The following PCDHGA8 variants were observed in gnomAD, a reference collection of about 807,000 sequenced individuals.
PCDHGA8 encodes protocadherin gamma subfamily A, 8.
Under a neutral mutation model 59.2 loss-of-function variants are expected in PCDHGA8, and 45 were observed. That is an observed-to-expected ratio of 0.76 (90% confidence interval 0.60 to 0.98). The LOEUF (loss-of-function observed/expected upper bound fraction) is 0.98, where lower values mean the gene tolerates loss of function less well. Among genes scored for constraint, PCDHGA8 ranks in the 50% least tolerant of loss-of-function variants. The pLI, the probability that PCDHGA8 is intolerant of heterozygous loss-of-function variation, is 0.00. For missense variants in PCDHGA8, 1,257 were observed against 1,196.2 expected, an observed-to-expected ratio of 1.05 and a Z score of -0.75; for synonymous variants, 531 against 519.0, an observed-to-expected ratio of 1.02 and a Z score of -0.32.
At position 141,476,114 on chromosome 5, in the gene PCDHGA8, G is replaced by C; in HGVS notation, c.2425-18693G>C. 3.8e-6 allele frequency: 6 copies of C among 1,592,296 alleles called. No homozygotes were observed. Among genetic ancestry groups the C allele is most frequent in the Non-Finnish European group, 5.1e-6 (6 of 1,171,536 alleles). On this transcript the variant is annotated intron_variant, in intron 1 of 3. Coordinates refer to ENST00000398604, the MANE Select transcript of PCDHGA8 (RefSeq NM_032088.2). This position sits in a 1 kb window ranked among gnomAD's most constrained non-coding sequence, Gnocchi z 7.6. Reference sequence around the variant, plus strand: ...CCGCTGAGAGGAACTGCTTTTGAGTGAGATGGTCCCAGAGGCCTGGAGGAG... The same window carrying C: ...CCGCTGAGAGGAACTGCTTTTGAGTCAGATGGTCCCAGAGGCCTGGAGGAG...
intron 1 of PCDHGA8, chr5:141,408,368 C>T: frequency 3.1e-6 from 5 of 1,613,992 alleles, no homozygotes; most frequent in Non-Finnish European, 4.2e-6. Context: ...GGATCTAGGG[C>T]TCAGTGTCCT....
intron 1 of PCDHGA8, among the ~76,000 whole-genome samples, chr5:141,480,873 C>A (rs1026513782): frequency 6.6e-6 from 1 of 152,168 alleles, no homozygotes; most frequent in East Asian, 1.9e-4. Context: ...GGTGAAACCC[C>A]GTCTCTACTA....
chr5:141,465,021 C>A (rs974818222), intron 1 of PCDHGA8, among the ~76,000 whole-genome samples: 1 of 152,100 alleles, frequency 6.6e-6, no homozygotes, highest in Non-Finnish European at 1.5e-5. Flanking sequence ...AGATTACAGC[C>A]ATGAACCACC....
chr5:141,439,669 A>T (rs983024479), intron 1 of PCDHGA8, among the ~76,000 whole-genome samples: 4 of 152,174 alleles, frequency 2.6e-5, no homozygotes, highest in Non-Finnish European at 5.9e-5. Context: ...ATGGAATGCA[A>T]ATCCAAGAGC....
Position 141,432,211 on chromosome 5 carries a change from C to T in PCDHGA8, c.2424+36974C>T. 6.2e-7 allele frequency: 1 copy of T among 1,614,232 alleles called. No homozygotes were observed. The highest frequency in any genetic ancestry group is 8.5e-7 in the Non-Finnish European group (1 of 1,180,044). On this transcript the variant is annotated intron_variant, in intron 1 of 3. Coordinates refer to ENST00000398604, the MANE Select transcript of PCDHGA8 (RefSeq NM_032088.2). The surrounding 1 kb of genome is among the most constrained non-coding windows in gnomAD (Gnocchi z 6.0). ...CCCACGACCCCGACTGTGAAGAGAA[C>T]GCCCAGATCACTTATTCCCTGGCTG... is the stretch of plus-strand genomic sequence containing the variant.
Position 141,489,331 on chromosome 5 carries a change from C to G in PCDHGA8, c.2425-5476C>G. ...CTGCTGGGGCTGGGTGTCTGGGCAG[C>G]TTCGTTACTCAGTGGTGGAGGAGTC... On this transcript the variant is annotated intron_variant, in intron 1 of 3. Coordinates refer to ENST00000398604, the MANE Select transcript of PCDHGA8 (RefSeq NM_032088.2). The surrounding 1 kb of genome is among the most constrained non-coding windows in gnomAD (Gnocchi z 4.5). 1 of 1,605,478 alleles carries G rather than the reference C, an allele frequency of 6.2e-7. No homozygotes were observed. Among genetic ancestry groups the G allele is most frequent in the Non-Finnish European group, 8.5e-7 (1 of 1,174,878 alleles).
chr5:141,419,894 C>T (rs1590201850), intron 1 of PCDHGA8: 2 of 1,613,926 alleles, frequency 1.2e-6, no homozygotes, highest in East Asian at 2.2e-5. Flanking sequence ...CAGCGACCAT[C>T]CCACACCCTC....
Position 141,431,755 on chromosome 5 carries a change from AGTCCT to A in PCDHGA8, c.2424+36520_2424+36524del. On this transcript the variant is annotated intron_variant, in intron 1 of 3. Coordinates refer to ENST00000398604, the MANE Select transcript of PCDHGA8 (RefSeq NM_032088.2). This position sits in a 1 kb window ranked among gnomAD's most constrained non-coding sequence, Gnocchi z 4.8. ...ATGCAGGATATTCTGCGCGAGCCAA[AGTCCT>A]GATCACTGTTCTGGACGTGAACGAC... 6.2e-7 allele frequency: 1 copy of A among 1,614,238 alleles called. No individual in the cohort carries two copies. Among genetic ancestry groups the A allele is most frequent in the Non-Finnish European group, 8.5e-7 (1 of 1,180,048 alleles).
rs758439978 is a variant in PCDHGA8 at position 141,415,219 on chromosome 5, T to C, written c.2424+19982T>C. ...CCAAGTCCTGGCGGACCTCGGCAGC[T>C]TCGAGTCTCCAGCTAACTCTGAAAC... On this transcript the variant is annotated intron_variant, in intron 1 of 3. Coordinates refer to ENST00000398604, the MANE Select transcript of PCDHGA8 (RefSeq NM_032088.2). 42 of 1,613,954 alleles carry C rather than the reference T, an allele frequency of 2.6e-5. No individual in the cohort carries two copies. Among genetic ancestry groups the C allele is most frequent in the South Asian group, 9.9e-5 (9 of 91,088 alleles).
At chr5:141,401,102 G>C (rs1372226488) in intron 1 of PCDHGA8, among the ~76,000 whole-genome samples, 3 of 152,150 alleles carry the variant, frequency 2.0e-5, no homozygotes, top group Non-Finnish European at 4.4e-5. Context: ...CCAGCACTTT[G>C]GGAGGCCGAG....
chr5:141,462,240 A>G (rs375419703), intron 1 of PCDHGA8, among the ~76,000 whole-genome samples: 2 of 152,216 alleles, frequency 1.3e-5, no homozygotes, highest in South Asian at 4.1e-4. Context: ...GATTACAGGT[A>G]TGAGCCACCA....
At chr5:141,457,802 T>C (rs1332412750) in intron 1 of PCDHGA8, among the ~76,000 whole-genome samples, 1 of 152,210 alleles carries the variant, frequency 6.6e-6, no homozygotes, top group Non-Finnish European at 1.5e-5. Context: ...TCCTCTCCTC[T>C]TGAGGTCCCA....
chr5:141,489,293 T>G lies in PCDHGA8; in HGVS notation c.2425-5514T>G. The G allele has an allele frequency of 6.3e-7, 1 of 1,579,940 alleles. No homozygotes were observed. Among genetic ancestry groups the G allele is most frequent in the Non-Finnish European group, 8.6e-7 (1 of 1,162,928 alleles). ...GCTGGGAAATGGCAAGTGCTGTGCA[T>G]GTTGTCCTTGTGCTGCTGGGGCTGG... On this transcript the variant is annotated intron_variant, in intron 1 of 3. Transcript: ENST00000398604. This position sits in a 1 kb window ranked among gnomAD's most constrained non-coding sequence, Gnocchi z 4.5.
At chr5:141,500,145 T>C (rs2099796736) in intron 2 of PCDHGA8, among the ~76,000 whole-genome samples, 2 of 151,992 alleles carry the variant, frequency 1.3e-5, no homozygotes, top group East Asian at 3.9e-4. Context: ...TAAACTTTTC[T>C]TTGTGTAATC....
rs6883529 is a variant in PCDHGA8, at chr5:141,427,618, A to G, written c.2424+32381A>G. On this transcript the variant is annotated intron_variant, in intron 1 of 3. Coordinates refer to ENST00000398604, the MANE Select transcript of PCDHGA8 (RefSeq NM_032088.2). ...ACCCTACGCATTGGTGAAGTCAACG[A>G]CAATGCTCCGGTTTTCCACCAAGTC... The G allele has an allele frequency of 3.3e-3, 2,299 of 695,914 alleles. 37 individuals are homozygous for G. In the African/African-American group the frequency reaches 0.033, roughly 10 times the overall value. 43.1% of individuals were successfully genotyped at this position (695,914 alleles called of 1,614,324 possible).
At chr5:141,418,115 G>C in intron 1 of PCDHGA8, 1 of 1,614,098 alleles carries the variant, frequency 6.2e-7, no homozygotes, top group South Asian at 1.1e-5. Context: ...GGACTTACTT[G>C]TGAAGGACCG....
chr5:141,452,463 G>A (rs2098741767), intron 1 of PCDHGA8, among the ~76,000 whole-genome samples: 1 of 152,160 alleles, frequency 6.6e-6, no homozygotes, highest in African/African-American at 2.4e-5. Flanking sequence ...AGCAGACGGA[G>A]CTAGGAAAAA....
intron 3 of PCDHGA8, among the ~76,000 whole-genome samples, chr5:141,508,792 CT>C (rs1475631459): frequency 6.6e-6 from 1 of 152,130 alleles, no homozygotes; most frequent in Non-Finnish European, 1.5e-5. Flanking sequence ...CTAAATCACT[CT>C]GGAATCCTGG....
At chr5:141,413,034 G>C in intron 1 of PCDHGA8, 1 of 783,270 alleles carries the variant, frequency 1.3e-6, no homozygotes, top group East Asian at 2.8e-5. Context: ...CAAACCGGCT[G>C]CTGGGCTGCA....
Sources: gnomAD v4.1 joint callset for allele counts (sites outside exome capture counted in the v4.1 genomes callset) on GRCh38, gnomAD v4.1.1 for gene constraint, Gnocchi (gnomAD v3.1) non-coding constraint, MANE v1.5 for transcripts, NCBI Gene and HGNC (gene_info 2026-07-23, HGNC 2026-07-21) for gene names.